Variants in SLC19A3 observed in about 807,000 individuals in gnomAD.
The protein encoded by SLC19A3 is solute carrier family 19 member 3, also known as thiamine transporter 2.
SLC19A3 carries 31 observed loss-of-function variants against 40.2 expected under a neutral mutation model. That is an observed-to-expected ratio of 0.77 (90% CI 0.58 to 1.04). The LOEUF is 1.04. Ranked by LOEUF, SLC19A3 falls within the 50% of genes least tolerant of loss-of-function variation. The probability of loss-of-function intolerance (pLI) is 0.00; values close to 1 mark genes in which losing one functional copy is unlikely to be tolerated. For synonymous variants in SLC19A3, 212 were observed against 227.5 expected, an observed-to-expected ratio of 0.93 and a Z score of 0.61; for missense variants, 592 against 596.7, an observed-to-expected ratio of 0.99 and a Z score of 0.08.
intron 4 of SLC19A3, among the ~76,000 whole-genome samples, chr2:227,693,303 G>GA (rs1695304152): frequency 6.6e-6 from 1 of 152,020 alleles, no homozygotes; most frequent in South Asian, 2.1e-4. Context: ...AAAACTGGAG[G>GA]AATCACATTG....
rs1695789710 is a variant in SLC19A3 at position 227,703,408 on chromosome 2, C to T, written c.-2-1088G>A. Among the ~76,000 whole-genome samples the T allele has an allele frequency of 6.6e-6, 1 of 152,072 alleles. No individual in the cohort carries two copies. The highest frequency in any genetic ancestry group is 2.1e-4 in the South Asian group (1 of 4,822). Reference sequence around the variant, plus strand: ...GGCTTGCCACTCACCCTACCCTTTCCCAAGGTGACCCCGACAGCTGCATAA... The same window carrying T: ...GGCTTGCCACTCACCCTACCCTTTCTCAAGGTGACCCCGACAGCTGCATAA... On this transcript the variant is annotated intron_variant, in intron 1 of 5. Transcript: ENST00000644224. The surrounding 1 kb of genome is among the most constrained non-coding windows in gnomAD (Gnocchi z 4.7).
chr2:227,697,760 G>A (rs181474496), intron 3 of SLC19A3, among the ~76,000 whole-genome samples: 2 of 152,224 alleles, frequency 1.3e-5, no homozygotes, highest in African/African-American at 4.8e-5. Flanking sequence ...TCATTGTTTG[G>A]TGCTAATCCC....
chr2:227,717,099 T>C (rs1258555080), intron 1 of SLC19A3, among the ~76,000 whole-genome samples: 1 of 146,534 alleles, frequency 6.8e-6, no homozygotes, highest in Non-Finnish European at 1.5e-5. Context: ...GCCTCCCAAG[T>C]TCAAGCCATT....
chr2:227,698,227 C>A (rs1158114042), intron 3 of SLC19A3, among the ~76,000 whole-genome samples: 1 of 151,902 alleles, frequency 6.6e-6, no homozygotes, highest in African/African-American at 2.4e-5. Context: ...GTGGCACGAT[C>A]TAGGCTCACT....
chr2:227,701,269 A>T (rs1695676225), intron 2 of SLC19A3: 1 of 325,148 alleles, frequency 3.1e-6, no homozygotes, highest in Non-Finnish European at 5.8e-6. Flanking sequence ...GGAGATTGTA[A>T]AATCAGCCCA....
In SLC19A3 at chr2:227,717,986, A is replaced by G. The variant is rs1463528917; in HGVS notation, c.-46T>C. The G allele has an allele frequency of 3.0e-6, 3 of 984,784 alleles. No homozygotes were observed. Among genetic ancestry groups the G allele is most frequent in the Admixed American group, 6.2e-5 (1 of 16,176 alleles). 61.0% of individuals were successfully genotyped at this position (984,784 alleles called of 1,614,324 possible). On this transcript the variant is annotated 5_prime_UTR_variant, in exon 1 of 6. Transcript: ENST00000644224. The stretch of plus-strand genomic sequence containing the variant: ...GTTCACCAAATCGCTCACTTGCCGC[A>G]CGACCACGCACCCGCGGCTGTCGGA...
chr2:227,699,620 T>G, intron 2 of SLC19A3, 56 bp from the exon 3 acceptor site: 10 of 1,434,346 alleles, frequency 7.0e-6, no homozygotes, highest in Non-Finnish European at 9.8e-6. Flanking sequence ...CTAAGGTACC[T>G]GTGGTTTGTA....
At chr2:227,701,298 G>T (rs1200752461) in intron 2 of SLC19A3, 2 of 263,304 alleles carry the variant, frequency 7.6e-6, no homozygotes, top group East Asian at 2.3e-4. Context: ...TTGCAGTTAG[G>T]TCAGTGCATT....
intron 1 of SLC19A3, chr2:227,706,268 G>A: frequency 8.2e-7 from 1 of 1,225,342 alleles, no homozygotes; most frequent in Non-Finnish European, 1.0e-6. Context: ...TGCTTCCACT[G>A]CTTCTAAGGT....
intron 1 of SLC19A3, among the ~76,000 whole-genome samples, chr2:227,704,416 C>T (rs1695849419): frequency 6.6e-6 from 1 of 152,194 alleles, no homozygotes; most frequent in Non-Finnish European, 1.5e-5. Context: ...ATAATTTTTA[C>T]ATTTTGAAAA....
At chr2:227,711,245 C>T (rs1304617229) in intron 1 of SLC19A3, among the ~76,000 whole-genome samples, 1 of 151,838 alleles carries the variant, frequency 6.6e-6, no homozygotes, top group African/African-American at 2.4e-5. Flanking sequence ...TGGTGAAACC[C>T]CGTCTCTAAT....
At chr2:227,702,393 T>TG in intron 1 of SLC19A3, 73 bp from the exon 2 acceptor site, 1 of 1,419,590 alleles carries the variant, frequency 7.0e-7, no homozygotes, top group Non-Finnish European at 9.5e-7. Flanking sequence ...GATGAAAACC[T>TG]GATTTTTTTT....
chr2:227,716,590 C>T (rs1696343211), intron 1 of SLC19A3, among the ~76,000 whole-genome samples: 2 of 152,322 alleles, frequency 1.3e-5, no homozygotes, highest in Non-Finnish European at 2.9e-5. Flanking sequence ...AGCTTATTCT[C>T]TCCCCTGACC....
intron 1 of SLC19A3, chr2:227,706,405 C>A: frequency 8.1e-7 from 1 of 1,231,076 alleles, no homozygotes; most frequent in South Asian, 4.1e-5. Flanking sequence ...CTGTAGCAGT[C>A]ATCTTCACCC....
Position 227,687,181 on chromosome 2 carries a change from T to C in SLC19A3, c.*216A>G. On this transcript the variant is annotated 3_prime_UTR_variant, in exon 6 of 6. Coordinates refer to ENST00000644224, the MANE Select transcript of SLC19A3 (RefSeq NM_025243.4). ...CAGGGGGTCCCCAATATGGGTTGTT[T>C]AATTATGATGACGGGTCCTGTCAAT... 2 of 492,072 alleles carry C rather than the reference T, an allele frequency of 4.1e-6. No individual in the cohort carries two copies. Among genetic ancestry groups the C allele is most frequent in the Non-Finnish European group, 7.1e-6 (2 of 282,090 alleles). The allele number at this position is 492,072 out of a possible 1,614,324, so 30.5% of individuals were successfully genotyped here. A position where few individuals can be genotyped will look rare whatever the true frequency, so the allele number is the denominator to read the frequency against.
At chr2:227,705,391 A>G (rs999898459) in intron 1 of SLC19A3, among the ~76,000 whole-genome samples, 1 of 150,132 alleles carries the variant, frequency 6.7e-6, no homozygotes, top group Non-Finnish European at 1.5e-5. Context: ...GCTTGAGGTC[A>G]GGTGTTTGAG....
intron 5 of SLC19A3, 100 bp from the exon 6 acceptor site, chr2:227,687,673 T>A: frequency 1.0e-5 from 13 of 1,274,436 alleles, no homozygotes; most frequent in Non-Finnish European, 1.4e-5. Flanking sequence ...ATGGGGTAAC[T>A]GAGACCCAGG....
chr2:227,707,822 G>C (rs1302424070), intron 1 of SLC19A3, among the ~76,000 whole-genome samples: 5 of 152,034 alleles, frequency 3.3e-5, no homozygotes, highest in Non-Finnish European at 7.4e-5. Flanking sequence ...CTGCCTCCCA[G>C]GTTCAAGCAA....
intron 4 of SLC19A3, among the ~76,000 whole-genome samples, chr2:227,690,838 C>T (rs1475002571): frequency 1.3e-5 from 2 of 151,398 alleles, no homozygotes; most frequent in Non-Finnish European, 2.9e-5. Context: ...ACTTTAAAAC[C>T]CCACTTTCAG....
Sources: gnomAD v4.1 joint callset for allele counts (sites outside exome capture counted in the v4.1 genomes callset) on GRCh38, gnomAD v4.1.1 for gene constraint, Gnocchi (gnomAD v3.1) non-coding constraint, MANE v1.5 for transcripts, NCBI Gene and HGNC (gene_info 2026-07-23, HGNC 2026-07-21) for gene names.